RAD51C: variants seen among roughly 807,000 people sequenced by gnomAD.
The protein encoded by RAD51C is DNA repair protein RAD51 homolog 3.
In RAD51C, 42 loss-of-function variants were observed where a neutral mutation model predicts 45.0. The ratio of observed to expected loss-of-function variants is 0.93; its 90% confidence interval spans 0.73 to 1.21. RAD51C has a LOEUF of 1.21. Among genes scored for constraint, RAD51C ranks in the 50% most tolerant of loss-of-function variants. RAD51C has a pLI of 0.00. For synonymous variants in RAD51C, 172 were observed against 159.8 expected (o/e 1.08, Z -0.58); for missense variants, 474 against 452.2 (o/e 1.05, Z -0.44).
At chr17:58,716,272 C>A (rs894009234) in intron 5 of RAD51C, among the ~76,000 whole-genome samples, 19 of 152,092 alleles carry the variant, frequency 1.2e-4, no homozygotes, top group African/African-American at 4.1e-4. Context: ...CCTGGTAAAT[C>A]AGTAGTTTGA....
In RAD51C at chr17:58,734,929, A is replaced by G. The variant is rs1837960252; in HGVS notation, c.*707A>G. On this transcript the variant is annotated 3_prime_UTR_variant, in exon 9 of 9. Transcript: ENST00000337432. The stretch of plus-strand genomic sequence containing the variant: ...TTAAATGTAAATTTGATAATTCTTT[A>G]AAATTACCCGCTTTTATAATTATAA... The G allele has an allele frequency of 6.6e-6, 1 of 152,138 alleles. No individual in the cohort carries two copies. The highest frequency in any genetic ancestry group is 1.5e-5 in the Non-Finnish European group (1 of 68,122). 9.4% of individuals were successfully genotyped at this position (152,138 alleles called of 1,614,324 possible).
intron 4 of RAD51C, chr17:58,706,083 G>C (rs2048369087): frequency 6.6e-6 from 1 of 152,168 alleles, no homozygotes; most frequent in African/African-American, 2.4e-5. Flanking sequence ...ATTCCCAAAA[G>C]GATTATGGGT....
At chr17:58,722,698 C>A (rs1032620668) in intron 6 of RAD51C, among the ~76,000 whole-genome samples, 1 of 152,136 alleles carries the variant, frequency 6.6e-6, no homozygotes, top group Non-Finnish European at 1.5e-5. Context: ...TCAACGTAGA[C>A]CACTTCTGTA....
intron 4 of RAD51C, chr17:58,709,641 A>G: frequency 2.3e-6 from 1 of 442,712 alleles, no homozygotes; most frequent in Non-Finnish European, 4.0e-6. Context: ...AAGTTGTTTT[A>G]TTTAGAGTAT....
intron 6 of RAD51C, among the ~76,000 whole-genome samples, 196 bp from the exon 7 acceptor site, chr17:58,723,844 G>GA (rs1249267029): frequency 6.6e-6 from 1 of 152,082 alleles, no homozygotes; most frequent in East Asian, 1.9e-4. Flanking sequence ...AGAGAATAAT[G>GA]ATTTGCAGTA....
In RAD51C at chr17:58,735,541, T is replaced by C. The variant is rs2049594363; in HGVS notation, c.*1319T>C. On this transcript the variant is annotated 3_prime_UTR_variant, in exon 9 of 9. Transcript: ENST00000337432. ...CACGGTATGATCCATTCTAGAATTC[T>C]AGTTGTTATGTTGACATTTTTCTTT... is the stretch of plus-strand genomic sequence containing the variant. 6.6e-6 allele frequency: 1 copy of C among 152,168 alleles called. No individual in the cohort carries two copies. The highest frequency in any genetic ancestry group is 2.4e-5 in the African/African-American group (1 of 41,436). 9.4% of individuals were successfully genotyped at this position (152,168 alleles called of 1,614,324 possible). A position where few individuals can be genotyped will look rare whatever the true frequency, so the allele number is the denominator to read the frequency against.
intron 3 of RAD51C, chr17:58,700,118 A>G (rs1053852706): frequency 6.6e-6 from 1 of 152,226 alleles, no homozygotes; most frequent in African/African-American, 2.4e-5. Flanking sequence ...CGGCTTCCCT[A>G]AGTGCTGGGA....
At chr17:58,706,162 C>A (rs1308074466) in intron 4 of RAD51C, 3 of 153,096 alleles carry the variant, frequency 2.0e-5, no homozygotes, top group African/African-American at 7.2e-5. Flanking sequence ...GGCACGGTGG[C>A]TCATGCCTGT....
chr17:58,725,682 C>T (rs1235392761), intron 7 of RAD51C, among the ~76,000 whole-genome samples: 1 of 152,034 alleles, frequency 6.6e-6, no homozygotes, highest in East Asian at 1.9e-4. Context: ...TCTTACAAAT[C>T]CTTCCCAAGA....
chr17:58,705,753 T>C (rs1173747691), intron 4 of RAD51C: 1 of 152,274 alleles, frequency 6.6e-6, no homozygotes, highest in South Asian at 2.1e-4. Context: ...GGTTTAGGGA[T>C]TCAACATACG....
chr17:58,725,232 G>T (rs529071079), intron 7 of RAD51C, among the ~76,000 whole-genome samples: 1 of 151,706 alleles, frequency 6.6e-6, no homozygotes, highest in South Asian at 2.1e-4. Context: ...TTTTTTCTAT[G>T]ATCACAATTT....
intron 6 of RAD51C, among the ~76,000 whole-genome samples, chr17:58,721,604 A>G (rs1198146391): frequency 3.9e-5 from 6 of 151,918 alleles, no homozygotes; most frequent in Non-Finnish European, 8.8e-5. Context: ...TATTAAAAAT[A>G]CAAAATTAGA....
chr17:58,712,357 A>G (rs1337720557), intron 5 of RAD51C, among the ~76,000 whole-genome samples: 1 of 151,634 alleles, frequency 6.6e-6, no homozygotes, highest in Non-Finnish European at 1.5e-5. Flanking sequence ...AAAAAAAAAA[A>G]AAAAAAAAGA....
At chr17:58,730,505 T>C (rs2049379164) in intron 7 of RAD51C, among the ~76,000 whole-genome samples, 1 of 152,154 alleles carries the variant, frequency 6.6e-6, no homozygotes. Flanking sequence ...TATTACATAT[T>C]ACTTAGCAAT....
In RAD51C at chr17:58,734,588, G is replaced by GTTTTTTT. The variant is rs34517797; in HGVS notation, c.*383_*389dup. ...AAGAAACATATCATATTCTTATTGT[G>GTTTTTTT]TTTTTTTTTTTTTTTTTTTTTTTGG... On this transcript the variant is annotated 3_prime_UTR_variant, in exon 9 of 9. Coordinates refer to ENST00000337432, the MANE Select transcript of RAD51C (RefSeq NM_058216.3). The GTTTTTTT allele has an allele frequency of 5.9e-5, 6 of 102,496 alleles. No homozygotes were observed. Among genetic ancestry groups the GTTTTTTT allele is most frequent in the South Asian group, 2.0e-4 (1 of 5,120 alleles). The allele number at this position is 102,496 out of a possible 1,614,324, so 6.3% of individuals were successfully genotyped here.
intron 4 of RAD51C, among the ~76,000 whole-genome samples, chr17:58,704,486 T>G (rs2048316037): frequency 6.6e-6 from 1 of 151,966 alleles, no homozygotes; most frequent in South Asian, 2.1e-4. Flanking sequence ...TTTTGCATGT[T>G]GGCCAGGCTG....
At chr17:58,707,672 A>G (rs2048421294) in intron 4 of RAD51C, among the ~76,000 whole-genome samples, 1 of 152,056 alleles carries the variant, frequency 6.6e-6, no homozygotes, top group Non-Finnish European at 1.5e-5. Flanking sequence ...TTCTCTCACT[A>G]CCTAACCCAC....
intron 2 of RAD51C, among the ~76,000 whole-genome samples, chr17:58,695,741 C>T (rs1462349219): frequency 6.6e-6 from 1 of 150,522 alleles, no homozygotes; most frequent in Non-Finnish European, 1.5e-5. Flanking sequence ...GCCTTAATCA[C>T]ATCACTGGGC....
intron 5 of RAD51C, among the ~76,000 whole-genome samples, chr17:58,718,052 A>G (rs2143911898): frequency 6.6e-6 from 1 of 151,924 alleles, no homozygotes; most frequent in East Asian, 1.9e-4. Context: ...GCTGGAGCGC[A>G]ATGGTGCAAT....
Sources: allele counts gnomAD v4.1 joint callset (sites outside exome capture counted in the v4.1 genomes callset), GRCh38; gene constraint gnomAD v4.1.1; transcripts MANE v1.5; gene names NCBI Gene and HGNC (gene_info 2026-07-23, HGNC 2026-07-21).